CSMD1: variants seen among roughly 807,000 people sequenced by gnomAD.
CSMD1 encodes the protein CUB and Sushi multiple domains 1, also known as CUB and sushi domain-containing protein 1.
CSMD1 carries 213 observed loss-of-function variants against 417.5 expected under a neutral mutation model. The ratio of observed to expected loss-of-function variants is 0.51; its 90% CI spans 0.46 to 0.57. The LOEUF (loss-of-function observed/expected upper bound fraction) is 0.57. Among genes scored for constraint, CSMD1 ranks in the 20% least tolerant of loss-of-function variants. The pLI, the probability that CSMD1 is intolerant of heterozygous loss-of-function variation, is 0.00. For synonymous variants in CSMD1, 2,862 were observed against 1,736.8 expected (o/e 1.65, Z -16.11); for missense variants, 6,923 against 4,529.7 (o/e 1.53, Z -15.17).
At chr8:3,463,676 A>G (rs536244233) in intron 12 of CSMD1, among the ~76,000 whole-genome samples, 65 of 152,348 alleles carry the variant, frequency 4.3e-4, no homozygotes, top group African/African-American at 1.5e-3. Flanking sequence ...ACGCTGTTCA[A>G]TGTGCATAAT....
intron 2 of CSMD1, among the ~76,000 whole-genome samples, chr8:4,464,576 G>A (rs572797939): frequency 2.0e-5 from 3 of 152,210 alleles, no homozygotes; most frequent in East Asian, 1.9e-4. Context: ...GGTACTCAAC[G>A]GGTGGTTTCT....
At chr8:3,018,438 A>C in intron 52 of CSMD1, 39 bp downstream of exon 52, 1 of 1,588,942 alleles carries the variant, frequency 6.3e-7, no homozygotes, top group South Asian at 1.1e-5. Context: ...TCTAAGGTTT[A>C]TCTGCATTAA....
chr8:3,187,708 G>A (rs17319192), intron 36 of CSMD1, among the ~76,000 whole-genome samples, 161 bp downstream of exon 36: 41,310 of 151,982 alleles, frequency 0.27, 6,285 homozygotes, highest in Non-Finnish European at 0.36. Context: ...CCTGTTTCTT[G>A]ATGGTCTTAC....
intron 7 of CSMD1, among the ~76,000 whole-genome samples, chr8:3,660,199 G>T (rs190099749): frequency 1.3e-5 from 2 of 152,280 alleles, no homozygotes; most frequent in Admixed American, 1.3e-4. Flanking sequence ...GTGGGTTTGG[G>T]AGCCCGCAAT....
At chr8:3,107,592 C>G in intron 45 of CSMD1, 126 bp downstream of exon 45, 2 of 377,170 alleles carry the variant, frequency 5.3e-6, no homozygotes, top group South Asian at 2.8e-5. Flanking sequence ...ATAGTTTGTT[C>G]TTTGTTTCTG....
intron 3 of CSMD1, among the ~76,000 whole-genome samples, chr8:4,227,772 C>G (rs543812214): frequency 3.3e-5 from 5 of 151,204 alleles, no homozygotes; most frequent in African/African-American, 1.2e-4. Flanking sequence ...CATTCAATCC[C>G]AAACCAGGAG....
chr8:3,207,406 G>T (rs1797363515), intron 30 of CSMD1, among the ~76,000 whole-genome samples: 1 of 151,564 alleles, frequency 6.6e-6, no homozygotes. Context: ...GCCTCCCAAA[G>T]TGCTGGGATT....
Position 3,353,863 on chromosome 8 carries a change from C to T in CSMD1, c.3304+5289G>A, listed in dbSNP as rs189363389. 6.6e-5 allele frequency among the ~76,000 whole-genome samples: 10 copies of T among 152,194 alleles called. No individual in the cohort carries two copies. In the East Asian group the frequency reaches 1.7e-3, roughly 26 times the overall value. ...CTTAGATTTTTGCAATTGAATGAAA[C>T]TAATTAAAATGAAATTAACACAGAA... On this transcript the variant is annotated intron_variant, in intron 21 of 69. Transcript: ENST00000635120.
At chr8:4,456,826 G>T (rs762731872) in intron 2 of CSMD1, among the ~76,000 whole-genome samples, 2 of 151,994 alleles carry the variant, frequency 1.3e-5, no homozygotes, top group African/African-American at 4.8e-5. Flanking sequence ...GAGCCAGTGG[G>T]TACCTGCAGG....
intron 40 of CSMD1, among the ~76,000 whole-genome samples, chr8:3,150,573 G>A (rs1161146999): frequency 6.6e-6 from 1 of 152,104 alleles, no homozygotes; most frequent in Non-Finnish European, 1.5e-5. Context: ...TCTATTTATG[G>A]TTGTATTCAT....
intron 7 of CSMD1, among the ~76,000 whole-genome samples, chr8:3,624,871 C>G (rs10503211): frequency 0.056 from 8,449 of 152,182 alleles, 445 homozygotes; most frequent in East Asian, 0.29. Context: ...TAAATTTCTC[C>G]TCTTTGATTT....
At chr8:3,826,639 C>G (rs1053549305) in intron 5 of CSMD1, among the ~76,000 whole-genome samples, 1 of 152,150 alleles carries the variant, frequency 6.6e-6, no homozygotes, top group Non-Finnish European at 1.5e-5. Context: ...CATCTGGATT[C>G]TCTGTTTATC....
At chr8:4,437,207 A>G (rs920174831) in intron 2 of CSMD1, among the ~76,000 whole-genome samples, 4 of 152,238 alleles carry the variant, frequency 2.6e-5, no homozygotes, top group South Asian at 2.1e-4. Context: ...AATCAAATCA[A>G]TGACTGACCA....
chr8:3,251,145 A>G (rs1309310693), intron 26 of CSMD1, among the ~76,000 whole-genome samples: 1 of 152,124 alleles, frequency 6.6e-6, no homozygotes, highest in Non-Finnish European at 1.5e-5. Context: ...GCCCGTGCCT[A>G]TGTCCTGAAT....
intron 1 of CSMD1, among the ~76,000 whole-genome samples, chr8:4,727,721 CTTCCTCT>C (rs368716095): frequency 2.8e-3 from 429 of 152,072 alleles, no homozygotes; most frequent in African/African-American, 9.9e-3. Flanking sequence ...TGCCAGTAAT[CTTCCTCT>C]TTCCTCTTTT....
intron 2 of CSMD1, among the ~76,000 whole-genome samples, chr8:4,463,986 A>G (rs576899770): frequency 2.0e-4 from 31 of 152,290 alleles, no homozygotes; most frequent in South Asian, 1.7e-3. Context: ...CCATTTAGCT[A>G]TAAGTCTCAT....
chr8:4,166,933 G>A (rs1404397834), intron 3 of CSMD1, among the ~76,000 whole-genome samples: 2 of 152,166 alleles, frequency 1.3e-5, no homozygotes, highest in East Asian at 3.9e-4. Flanking sequence ...GCCAGGTGGG[G>A]TCAGTGGCCA....
chr8:3,992,040 T>C (rs1418364999), intron 5 of CSMD1, among the ~76,000 whole-genome samples: 2 of 152,062 alleles, frequency 1.3e-5, no homozygotes, highest in East Asian at 1.9e-4. Flanking sequence ...GGTTTATGAA[T>C]AGAGCTACAA....
At chr8:4,968,482 AG>A (rs1810022329) in intron 1 of CSMD1, among the ~76,000 whole-genome samples, 1 of 152,188 alleles carries the variant, frequency 6.6e-6, no homozygotes, top group African/African-American at 2.4e-5. Flanking sequence ...GCATAGATTA[AG>A]ATATAGGAAA....
Sources: allele counts gnomAD v4.1 joint callset (sites outside exome capture counted in the v4.1 genomes callset), GRCh38; gene constraint gnomAD v4.1.1; transcripts MANE v1.5; gene names NCBI Gene and HGNC (gene_info 2026-07-23, HGNC 2026-07-21).